PCDHGA3: variants seen among roughly 807,000 people sequenced by gnomAD.
The protein encoded by PCDHGA3 is protocadherin gamma subfamily A, 3, also known as protocadherin gamma-A3.
Under a neutral mutation model 58.5 loss-of-function variants are expected in PCDHGA3, and 40 were observed. That is an observed-to-expected ratio of 0.68 (90% CI 0.53 to 0.89). The LOEUF (loss-of-function observed/expected upper bound fraction) is 0.89, where lower values mean the gene tolerates loss of function less well. PCDHGA3 is among the 40% of genes least tolerant of loss of function. PCDHGA3 has a pLI of 0.00. For synonymous variants in PCDHGA3, 530 were observed against 525.7 expected (o/e 1.01, Z -0.11); for missense variants, 1,223 against 1,195.9 (o/e 1.02, Z -0.33).
At chr5:141,352,113 G>A (rs1758920100) in intron 1 of PCDHGA3, 2 of 1,607,732 alleles carry the variant, frequency 1.2e-6, no homozygotes, top group Non-Finnish European at 1.7e-6. Flanking sequence ...CTGGGGTTGC[G>A]CACGGGTGAG....
Position 141,486,484 on chromosome 5 carries a change from C to A in PCDHGA3, c.2425-8323C>A. On this transcript the variant is annotated intron_variant, in intron 1 of 3. Transcript: ENST00000253812. This position sits in a 1 kb window ranked among gnomAD's most constrained non-coding sequence, Gnocchi z 5.0. ...ATGCTGGGAACCCTCCTCTCAGTAC[C>A]CACAGAACTATTTTCCTCAATATTT... is the stretch of plus-strand genomic sequence containing the variant. 5 of 1,614,102 alleles carry A rather than the reference C, an allele frequency of 3.1e-6. No homozygotes were observed. Among genetic ancestry groups the A allele is most frequent in the Non-Finnish European group, 4.2e-6 (5 of 1,179,930 alleles).
intron 1 of PCDHGA3, chr5:141,375,897 C>A (rs1456506633): frequency 3.7e-6 from 6 of 1,613,680 alleles, no homozygotes; most frequent in Non-Finnish European, 5.1e-6. Context: ...GCCTGGCTGT[C>A]CTACCGCCTG....
At chr5:141,366,157 T>C (rs1277783884) in intron 1 of PCDHGA3, 1 of 1,614,080 alleles carries the variant, frequency 6.2e-7, no homozygotes, top group South Asian at 1.1e-5. Flanking sequence ...ACCGCCTGCT[T>C]AAGGCCAGCG....
chr5:141,360,156 G>T (rs1761446039), intron 1 of PCDHGA3: 1 of 1,604,878 alleles, frequency 6.2e-7, no homozygotes, highest in Non-Finnish European at 8.5e-7. Context: ...GCTCAGGGAG[G>T]TGCGGGCTGG....
In PCDHGA3 at chr5:141,431,457, T is replaced by C; in HGVS notation, c.2425-63350T>C. ...ACCGCGCGCATCCGCGTGATGGTTC[T>C]GGATGCGAACGACAACGCACCAGCG... On this transcript the variant is annotated intron_variant, in intron 1 of 3. Transcript: ENST00000253812. This position sits in a 1 kb window ranked among gnomAD's most constrained non-coding sequence, Gnocchi z 4.8. 6.2e-7 allele frequency: 1 copy of C among 1,613,818 alleles called. No homozygotes were observed. Among genetic ancestry groups the C allele is most frequent in the South Asian group, 1.1e-5 (1 of 91,088 alleles).
At chr5:141,495,175 C>T (rs1337353259) in intron 2 of PCDHGA3, among the ~76,000 whole-genome samples, 1 of 152,182 alleles carries the variant, frequency 6.6e-6, no homozygotes, top group Admixed American at 6.5e-5. Context: ...TGGGTGAAAG[C>T]GAGGCTTTCT....
Position 141,348,380 on chromosome 5 carries a change from G to A in PCDHGA3, c.2424+1923G>A, listed in dbSNP as rs191012446. ...GCCTAGGACTTTGAGACCTACTTGG[G>A]CAACATAGCATGACCCTGTCTCAAA... On this transcript the variant is annotated intron_variant, in intron 1 of 3. Coordinates refer to ENST00000253812, the MANE Select transcript of PCDHGA3 (RefSeq NM_018916.4). Among the ~76,000 whole-genome samples, 617 of 152,166 alleles carry A rather than the reference G, an allele frequency of 4.1e-3. 6 individuals are homozygous for A. The highest frequency in any genetic ancestry group is 0.011 in the Admixed American group (174 of 15,286).
At chr5:141,400,467 ATCTGGGGCCTTATT>A in intron 1 of PCDHGA3, 1 of 1,614,042 alleles carries the variant, frequency 6.2e-7, no homozygotes, top group Non-Finnish European at 8.5e-7. Flanking sequence ...GTGGTGATTC[ATCTGGGGCCTTATT>A]TCCACTTTGT....
chr5:141,427,875 C>A, intron 1 of PCDHGA3: 1 of 1,560,408 alleles, frequency 6.4e-7, no homozygotes. Flanking sequence ...GCTCACGATG[C>A]AGGCCCACGA....
At position 141,487,791 on chromosome 5, in the gene PCDHGA3, C is replaced by T; in HGVS notation, c.2425-7016C>T. ...CTTTGTAACTGTTTCGTGAATTAAC[C>T]AGAGTTGTCACAGTTTAGCATTGGG... On this transcript the variant is annotated intron_variant, in intron 1 of 3. Coordinates refer to ENST00000253812, the MANE Select transcript of PCDHGA3 (RefSeq NM_018916.4). This position sits in a 1 kb window ranked among gnomAD's most constrained non-coding sequence, Gnocchi z 5.0. 6.6e-7 allele frequency: 1 copy of T among 1,510,152 alleles called. No individual in the cohort carries two copies. The highest frequency in any genetic ancestry group is 1.4e-5 in the African/African-American group (1 of 72,206). The allele number at this position is 1,510,152 out of a possible 1,614,324, so 93.5% of individuals were successfully genotyped here. A position where few individuals can be genotyped will look rare whatever the true frequency, so the allele number is the denominator to read the frequency against.
chr5:141,350,745 A>G, intron 1 of PCDHGA3: 1 of 1,613,956 alleles, frequency 6.2e-7, no homozygotes, highest in Non-Finnish European at 8.5e-7. Context: ...GTGGAAGGCA[A>G]TTCACTGAAG....
At chr5:141,474,524 C>G (rs1260642402) in intron 1 of PCDHGA3, among the ~76,000 whole-genome samples, 1 of 152,170 alleles carries the variant, frequency 6.6e-6, no homozygotes, top group Non-Finnish European at 1.5e-5. Flanking sequence ...GCTGGTCTGG[C>G]TAATTATCAA....
At chr5:141,439,207 C>A (rs1003519997) in intron 1 of PCDHGA3, among the ~76,000 whole-genome samples, 1 of 149,828 alleles carries the variant, frequency 6.7e-6, no homozygotes, top group Non-Finnish European at 1.5e-5. Context: ...AAAAAAAAAT[C>A]CATATGTGAA....
chr5:141,355,525 C>A, intron 1 of PCDHGA3: 3 of 1,614,028 alleles, frequency 1.9e-6, no homozygotes, highest in Non-Finnish European at 2.5e-6. Flanking sequence ...CCTGGAGATT[C>A]TTCTAGAAGA....
chr5:141,403,207 CACCGCGGGTAGGATAG>C, intron 1 of PCDHGA3: 1 of 1,613,966 alleles, frequency 6.2e-7, no homozygotes, highest in South Asian at 1.1e-5. Context: ...GCACCTTGGT[CACCGCGGGTAGGATAG>C]ACCGGGAGGA....
chr5:141,417,566 C>G, intron 1 of PCDHGA3: 1 of 362,746 alleles, frequency 2.8e-6, no homozygotes. Context: ...AGAGAAAAGT[C>G]AAGTTGCAGT....
chr5:141,366,516 GCA>G (rs1377618630), intron 1 of PCDHGA3: 10 of 1,614,156 alleles, frequency 6.2e-6, no homozygotes, highest in East Asian at 4.5e-5. Context: ...CAGGCTGAAG[GCA>G]GCAGGTTGGC....
At position 141,414,753 on chromosome 5, in the gene PCDHGA3, T is replaced by C. The variant is rs10041534; in HGVS notation, c.2424+68296T>C. 7.9e-4 allele frequency: 1,273 copies of C among 1,614,202 alleles called. 15 individuals carry two copies. The African/African-American group carries it at 0.015, about 19-fold the overall frequency. ...TGTATGCACTCAGATCCTTCGACTA[T>C]GAGCAGTTTCATGAGCTACAGATGC... On this transcript the variant is annotated intron_variant, in intron 1 of 3. Transcript: ENST00000253812.
At chr5:141,451,653 G>A (rs1440576814) in intron 1 of PCDHGA3, among the ~76,000 whole-genome samples, 2 of 152,166 alleles carry the variant, frequency 1.3e-5, no homozygotes, top group Non-Finnish European at 2.9e-5. Context: ...AGGCCAAGGA[G>A]GGTGGACTGC....
Sources: gnomAD v4.1 joint callset for allele counts (sites outside exome capture counted in the v4.1 genomes callset) on GRCh38, gnomAD v4.1.1 for gene constraint, Gnocchi (gnomAD v3.1) non-coding constraint, MANE v1.5 for transcripts, NCBI Gene and HGNC (gene_info 2026-07-23, HGNC 2026-07-21) for gene names.